The following IRAK4 variants were observed in gnomAD, a reference collection of about 807,000 sequenced individuals.
The protein encoded by IRAK4 is interleukin 1 receptor associated kinase 4.
IRAK4 carries 44 observed loss-of-function variants against 51.8 expected under a neutral mutation model. The ratio of observed to expected loss-of-function variants is 0.85; its 90% confidence interval spans 0.67 to 1.09. The LOEUF is 1.09. Among genes scored for constraint, IRAK4 ranks in the 50% least tolerant of loss-of-function variants. The pLI, the probability that IRAK4 is intolerant of heterozygous loss-of-function variation, is 0.00. For missense variants in IRAK4, 487 were observed against 538.0 expected (o/e 0.91, Z 0.94); for synonymous variants, 149 against 174.1 (o/e 0.86, Z 1.13).
chr12:43,768,351 T>G, intron 2 of IRAK4, 79 bp downstream of exon 2: 2 of 1,099,484 alleles, frequency 1.8e-6, no homozygotes, highest in Non-Finnish European at 2.6e-6. Context: ...TACTGTCTAA[T>G]GTGGCAGTTT....
intron 2 of IRAK4, among the ~76,000 whole-genome samples, chr12:43,769,656 T>C (rs1326656115): frequency 6.6e-6 from 1 of 151,918 alleles, no homozygotes; most frequent in Non-Finnish European, 1.5e-5. Flanking sequence ...CCTCAATAGA[T>C]AGAGAAAAAG....
chr12:43,782,152 A>G (rs1941827105), intron 8 of IRAK4, among the ~76,000 whole-genome samples, 155 bp from the exon 9 acceptor site: 1 of 152,158 alleles, frequency 6.6e-6, no homozygotes. Flanking sequence ...TATGATGCAT[A>G]CTATAAAACG....
intron 10 of IRAK4, among the ~76,000 whole-genome samples, chr12:43,785,046 A>G (rs989047880): frequency 1.3e-5 from 2 of 152,162 alleles, no homozygotes; most frequent in African/African-American, 4.8e-5. Context: ...TCTGGAGGCC[A>G]GAGTCTGAAA....
intron 6 of IRAK4, 85 bp from the exon 7 acceptor site, chr12:43,777,545 T>C (rs947641721): frequency 7.8e-7 from 1 of 1,275,680 alleles, no homozygotes. Context: ...GCTCTTTTTT[T>C]CTATTAAAAC....
chr12:43,786,593 G>GGGT, intron 11 of IRAK4, 36 bp downstream of exon 11: 2 of 1,608,312 alleles, frequency 1.2e-6, no homozygotes, highest in Non-Finnish European at 1.7e-6. Flanking sequence ...AAAGTGAAAG[G>GGGT]GGTGGGGTTC....
rs1942251081 is a variant in IRAK4, at chr12:43,786,785, T to C, written c.*70T>C. 13 of 1,312,944 alleles carry C rather than the reference T, an allele frequency of 9.9e-6. No homozygotes were observed. Among genetic ancestry groups the C allele is most frequent in the Non-Finnish European group, 1.3e-5 (12 of 912,712 alleles). The allele number at this position is 1,312,944 out of a possible 1,614,324, so 81.3% of individuals were successfully genotyped here. ...CAACCATTTTTTTAACTGATTTTTT[T>C]CCTAAATATTCTTCTTTACCTTTAA... On this transcript the variant is annotated 3_prime_UTR_variant, in exon 12 of 12. Coordinates refer to ENST00000613694, the MANE Select transcript of IRAK4 (RefSeq NM_016123.4).
chr12:43,777,734 T>TG lies in IRAK4; in HGVS notation c.821_822insG (p.Ser275LeufsTer23). The TG allele has an allele frequency of 6.2e-7, 1 of 1,610,142 alleles. No homozygotes were observed. Among genetic ancestry groups the TG allele is most frequent in the Admixed American group, 1.7e-5 (1 of 59,992 alleles). On this transcript the variant is annotated frameshift_variant, in exon 7 of 12. Transcript: ENST00000613694. LOFTEE classifies it high-confidence loss of function. ...CCTAATGGTTCATTGCTAGACAGAC[T>TG]CTCTTGCTTGGTAAGCTATTTGTTC...
chr12:43,769,913 C>T (rs1940570846), intron 2 of IRAK4, among the ~76,000 whole-genome samples: 1 of 152,080 alleles, frequency 6.6e-6, no homozygotes, highest in Admixed American at 6.6e-5. Flanking sequence ...GGCTGTTAGA[C>T]CCATTCTATA....
chr12:43,780,572 C>CT (rs530751019), intron 8 of IRAK4, among the ~76,000 whole-genome samples: 5,120 of 134,090 alleles, frequency 0.038, 131 homozygotes, highest in South Asian at 0.086. Context: ...CCTGTATGTT[C>CT]TTTTTTTTTT....
chr12:43,779,965 G>A (rs1420305665), intron 8 of IRAK4, among the ~76,000 whole-genome samples: 2 of 152,112 alleles, frequency 1.3e-5, no homozygotes, highest in Non-Finnish European at 2.9e-5. Flanking sequence ...TAAGTCTTGG[G>A]GAACCCTAAG....
intron 10 of IRAK4, among the ~76,000 whole-genome samples, chr12:43,786,089 A>G (rs1238801084): frequency 1.4e-5 from 2 of 143,880 alleles, no homozygotes; most frequent in Non-Finnish European, 3.0e-5. Context: ...CCTAGGCTGG[A>G]GTGGCGTGAT....
intron 3 of IRAK4, among the ~76,000 whole-genome samples, chr12:43,771,722 T>C (rs1467017672): frequency 6.6e-6 from 1 of 152,238 alleles, no homozygotes; most frequent in Non-Finnish European, 1.5e-5. Context: ...AATCATAATT[T>C]TAAAAAATTG....
At chr12:43,782,591 T>TATTGTTACATAAGAGA in intron 9 of IRAK4, 101 bp downstream of exon 9, 1 of 991,786 alleles carries the variant, frequency 1.0e-6, no homozygotes, top group Non-Finnish European at 1.5e-6. Flanking sequence ...ATCTCTCTTA[T>TATTGTTACATAAGAGA]GTAACAATAT....
intron 1 of IRAK4, among the ~76,000 whole-genome samples, chr12:43,760,100 T>G (rs1939331844): frequency 6.6e-6 from 1 of 152,224 alleles, no homozygotes; most frequent in Admixed American, 6.5e-5. Flanking sequence ...ATTTGAAGTT[T>G]GCTTTCTACC....
chr12:43,783,835 A>G (rs969821970), intron 10 of IRAK4, 111 bp downstream of exon 10: 19 of 738,440 alleles, frequency 2.6e-5, no homozygotes, highest in African/African-American at 3.5e-5. Flanking sequence ...CAATCTTTCC[A>G]TTGGCTATTA....
Position 43,789,486 on chromosome 12 carries a change from A to G in IRAK4, c.*2771A>G, listed in dbSNP as rs1431475202. On this transcript the variant is annotated 3_prime_UTR_variant, in exon 12 of 12. Transcript: ENST00000613694. ...TAGTGATGCAAAACGGGCTAACTAT[A>G]TAAATTTGTAATTTTTAAGTTATAG... 1 of 152,244 alleles carries G rather than the reference A, an allele frequency of 6.6e-6. No individual in the cohort carries two copies. The highest frequency in any genetic ancestry group is 1.5e-5 in the Non-Finnish European group (1 of 68,048). The allele number at this position is 152,244 out of a possible 1,614,324, so 9.4% of individuals were successfully genotyped here.
chr12:43,780,337 C>A, intron 8 of IRAK4, among the ~76,000 whole-genome samples: 1 of 152,038 alleles, frequency 6.6e-6, no homozygotes, highest in South Asian at 2.1e-4. Context: ...TTTTTTTAAG[C>A]TGGCAGAGAT....
At chr12:43,767,239 A>T (rs530934952) in intron 1 of IRAK4, among the ~76,000 whole-genome samples, 19 of 152,336 alleles carry the variant, frequency 1.2e-4, no homozygotes, top group African/African-American at 4.3e-4. Context: ...TAAAATCCAC[A>T]TAGAAAGAAG....
intron 8 of IRAK4, among the ~76,000 whole-genome samples, chr12:43,780,260 G>T (rs1190978791): frequency 6.6e-6 from 1 of 152,126 alleles, no homozygotes; most frequent in South Asian, 2.1e-4. Flanking sequence ...TAGGAGTATA[G>T]ACAAGTCTTT....
Sources: allele counts gnomAD v4.1 joint callset (sites outside exome capture counted in the v4.1 genomes callset), GRCh38; gene constraint gnomAD v4.1.1; transcripts MANE v1.5; gene names NCBI Gene and HGNC (gene_info 2026-07-23, HGNC 2026-07-21).